The following PSMG2 variants were observed in gnomAD, a reference collection of about 807,000 sequenced individuals.
PSMG2 encodes proteasome assembly chaperone 2.
A neutral mutation model predicts 31.5 loss-of-function variants in PSMG2; 21 were observed. That is an observed-to-expected ratio of 0.67 (90% CI 0.47 to 0.96). PSMG2 has a LOEUF of 0.96. Ranked by LOEUF, PSMG2 falls within the 40% of genes least tolerant of loss-of-function variation. The pLI is 0.00. For synonymous variants in PSMG2, 120 were observed against 110.4 expected (o/e 1.09, Z -0.54); for missense variants, 318 against 321.2 (o/e 0.99, Z 0.08).
intron 5 of PSMG2, among the ~76,000 whole-genome samples, chr18:12,720,969 A>G (rs1203659937): frequency 1.3e-5 from 2 of 152,104 alleles, no homozygotes; most frequent in Non-Finnish European, 2.9e-5. Flanking sequence ...AATCAAGACC[A>G]GGAGATCGAG....
upstream of PSMG2, chr18:12,699,169 A>T (rs770543656): frequency 6.2e-7 from 1 of 1,613,960 alleles, no homozygotes; most frequent in Non-Finnish European, 8.5e-7. Context: ...CCAAAACCTG[A>T]AGGTAAAGAT....
At chr18:12,702,576 T>C, upstream of PSMG2, 2 of 1,581,386 alleles carry the variant, frequency 1.3e-6, no homozygotes, top group Non-Finnish European at 1.7e-6. Context: ...CCCCGCCGCT[T>C]CTCCCCGCCT....
chr18:12,697,219 A>G (rs2039987701), intron 1 of PSMG2: 1 of 1,598,488 alleles, frequency 6.3e-7, no homozygotes, highest in Middle Eastern at 1.7e-4. Context: ...ATTAATCACC[A>G]TACCTACACC....
At chr18:12,705,589 G>GTT (rs1439417326) in intron 1 of PSMG2, among the ~76,000 whole-genome samples, 1 of 151,802 alleles carries the variant, frequency 6.6e-6, no homozygotes, top group Non-Finnish European at 1.5e-5. Flanking sequence ...GTGTGTGTGT[G>GTT]TGTGTGTGTG....
intron 1 of PSMG2, among the ~76,000 whole-genome samples, chr18:12,703,450 G>A (rs1036174319): frequency 2.6e-5 from 4 of 152,128 alleles, no homozygotes; most frequent in African/African-American, 9.7e-5. Flanking sequence ...TGTTTTGCAG[G>A]GCATCCTTCA....
At chr18:12,665,495 G>A (rs1267411077) in intron 1 of PSMG2, among the ~76,000 whole-genome samples, 1 of 152,104 alleles carries the variant, frequency 6.6e-6, no homozygotes, top group Non-Finnish European at 1.5e-5. Flanking sequence ...GGAACACTGT[G>A]TCTTTCCCTT....
At chr18:12,722,495 C>A (rs542718957) in intron 5 of PSMG2, among the ~76,000 whole-genome samples, 4 of 152,124 alleles carry the variant, frequency 2.6e-5, no homozygotes, top group Non-Finnish European at 5.9e-5. Flanking sequence ...GGGTCTGTTT[C>A]CTTGGGTCTG....
chr18:12,686,752 G>A (rs1055420652), intron 1 of PSMG2: 6 of 231,804 alleles, frequency 2.6e-5, no homozygotes, highest in Admixed American at 1.6e-4. Flanking sequence ...GAAATGTGTG[G>A]GTAGGTATGT....
intron 5 of PSMG2, chr18:12,724,234 T>A (rs1298485694): frequency 2.9e-6 from 1 of 350,452 alleles, no homozygotes. Flanking sequence ...CCTTATCTGC[T>A]GTAGCCAAGG....
At chr18:12,709,414 C>T (rs1482179107) in intron 2 of PSMG2, among the ~76,000 whole-genome samples, 1 of 151,950 alleles carries the variant, frequency 6.6e-6, no homozygotes, top group East Asian at 1.9e-4. Flanking sequence ...GCAACCTCTG[C>T]CTCCTGGGTT....
chr18:12,717,066 C>T (rs2040384085), intron 3 of PSMG2, among the ~76,000 whole-genome samples: 1 of 151,090 alleles, frequency 6.6e-6, no homozygotes, highest in African/African-American at 2.4e-5. Context: ...CCTCCCACCT[C>T]AGCCTCCTGA....
chr18:12,692,140 A>C (rs1598650336), intron 1 of PSMG2: 1 of 148,898 alleles, frequency 6.7e-6, no homozygotes, highest in South Asian at 2.1e-4. Flanking sequence ...ACATGGTGAA[A>C]CCCCATCTCA....
intron 5 of PSMG2, 101 bp downstream of exon 5, chr18:12,720,784 A>G: frequency 8.4e-7 from 1 of 1,196,866 alleles, no homozygotes; most frequent in Non-Finnish European, 1.1e-6. Flanking sequence ...TGGGTGACAG[A>G]GCAAGACTCT....
intron 1 of PSMG2, among the ~76,000 whole-genome samples, chr18:12,678,602 TATTA>T (rs2039228740): frequency 6.6e-6 from 1 of 152,186 alleles, no homozygotes; most frequent in African/African-American, 2.4e-5. Flanking sequence ...GATTACTCTG[TATTA>T]ATTGTATGGT....
At chr18:12,675,467 C>G (rs1465878156) in intron 1 of PSMG2, among the ~76,000 whole-genome samples, 1 of 152,094 alleles carries the variant, frequency 6.6e-6, no homozygotes, top group Non-Finnish European at 1.5e-5. Flanking sequence ...AAGACTGACT[C>G]TTCCTACCAT....
At chr18:12,678,215 G>T in intron 1 of PSMG2, 1 of 1,614,116 alleles carries the variant, frequency 6.2e-7, no homozygotes. Flanking sequence ...AGGAAGGGAT[G>T]TTGTAGCTCC....
At chr18:12,716,266 C>G (rs1037350070) in intron 3 of PSMG2, among the ~76,000 whole-genome samples, 7 of 152,064 alleles carry the variant, frequency 4.6e-5, no homozygotes, top group African/African-American at 1.4e-4. Context: ...CAAAGTTTTG[C>G]AGTTAGAGTT....
chr18:12,704,297 A>G (rs1281655855), intron 1 of PSMG2, among the ~76,000 whole-genome samples: 1 of 152,166 alleles, frequency 6.6e-6, no homozygotes, highest in Non-Finnish European at 1.5e-5. Flanking sequence ...TTCAGTCATT[A>G]ATTCAGAGAC....
intron 3 of PSMG2, among the ~76,000 whole-genome samples, chr18:12,716,831 A>G (rs1598685280): frequency 1.3e-5 from 2 of 152,136 alleles, no homozygotes; most frequent in East Asian, 3.9e-4. Flanking sequence ...CTTATTTTTC[A>G]AAGGAAACAC....
Sources: allele counts gnomAD v4.1 joint callset (sites outside exome capture counted in the v4.1 genomes callset), GRCh38; gene constraint gnomAD v4.1.1; transcripts MANE v1.5; gene names NCBI Gene and HGNC (gene_info 2026-07-23, HGNC 2026-07-21).